The following PCDHGA5 variants were observed in gnomAD, a reference collection of about 807,000 sequenced individuals.
PCDHGA5 encodes the protein protocadherin gamma subfamily A, 5.
PCDHGA5 carries 36 observed loss-of-function variants against 56.7 expected under a neutral mutation model. The ratio of observed to expected loss-of-function variants is 0.64; its 90% confidence interval spans 0.49 to 0.84. The LOEUF is 0.84. Ranked by LOEUF, PCDHGA5 falls within the 40% of genes least tolerant of loss-of-function variation. PCDHGA5 has a pLI of 0.00. For missense variants in PCDHGA5, 1,305 were observed against 1,201.5 expected (o/e 1.09, Z -1.27); for synonymous variants, 563 against 520.2 (o/e 1.08, Z -1.12).
intron 1 of PCDHGA5, chr5:141,415,585 C>T: frequency 6.2e-7 from 1 of 1,613,900 alleles, no homozygotes; most frequent in Non-Finnish European, 8.5e-7. Context: ...TTCGAAGTTT[C>T]CTATAGAGGA....
intron 2 of PCDHGA5, among the ~76,000 whole-genome samples, chr5:141,499,214 C>T (rs1228581603): frequency 6.6e-6 from 1 of 152,074 alleles, no homozygotes; most frequent in Non-Finnish European, 1.5e-5. Flanking sequence ...TAACCCAGGC[C>T]CTGCCCTGCA....
At chr5:141,466,213 C>G (rs2099118871) in intron 1 of PCDHGA5, among the ~76,000 whole-genome samples, 1 of 151,958 alleles carries the variant, frequency 6.6e-6, no homozygotes, top group South Asian at 2.1e-4. Flanking sequence ...CTCTGTTACC[C>G]AGGCTGGAGT....
chr5:141,401,819 G>A (rs2094196222), intron 1 of PCDHGA5, among the ~76,000 whole-genome samples: 3 of 152,280 alleles, frequency 2.0e-5, no homozygotes, highest in Middle Eastern at 3.4e-3. Flanking sequence ...TCCTTACAAA[G>A]TGCTGAGATT....
rs368785983 is a variant in PCDHGA5 at position 141,393,012 on chromosome 5, G to A, written c.2421+26261G>A. The A allele has an allele frequency of 1.4e-5, 23 of 1,613,724 alleles. No homozygotes were observed. Among genetic ancestry groups the A allele is most frequent in the Non-Finnish European group, 1.9e-5 (23 of 1,179,884 alleles). ...GCTGGCGAAGCACGGAGTCCGTATC[G>A]TCTCCAGAGGTAGGACGCAGCTCTT... On this transcript the variant is annotated intron_variant, in intron 1 of 3. Transcript: ENST00000518069.
rs755270981 is a variant in PCDHGA5, at chr5:141,408,462, AGAACC to A, written c.2421+41715_2421+41719del. On this transcript the variant is annotated intron_variant, in intron 1 of 3. Coordinates refer to ENST00000518069, the MANE Select transcript of PCDHGA5 (RefSeq NM_018918.3). Reference sequence around the variant, plus strand: ...GCGGAGAGCGGGGACTTACTTGTGAAGAACCGAATAGACCGTGAGCAAATATGCAA... The same window carrying A: ...GCGGAGAGCGGGGACTTACTTGTGAAGAATAGACCGTGAGCAAATATGCAA... 2.2e-5 allele frequency: 35 copies of A among 1,613,962 alleles called. No homozygotes were observed. The South Asian group carries it at 3.3e-4, about 15-fold the overall frequency.
At chr5:141,384,536 T>C (rs751421323) in intron 1 of PCDHGA5, 1 of 1,614,204 alleles carries the variant, frequency 6.2e-7, no homozygotes, top group Non-Finnish European at 8.5e-7. Flanking sequence ...AGCAGCAACA[T>C]GTCACTGAGC....
At chr5:141,452,354 G>C (rs2154563893) in intron 1 of PCDHGA5, among the ~76,000 whole-genome samples, 1 of 152,240 alleles carries the variant, frequency 6.6e-6, no homozygotes, top group Non-Finnish European at 1.5e-5. Flanking sequence ...TTATCCAAAA[G>C]CCTTGCTTCA....
rs1187424114 is a variant in PCDHGA5, at chr5:141,485,341, G to A, written c.2422-9466G>A. On this transcript the variant is annotated intron_variant, in intron 1 of 3. Transcript: ENST00000518069. The surrounding 1 kb of genome is among the most constrained non-coding windows in gnomAD (Gnocchi z 5.7). ...TCGCTCAAGATTTCCTGCTGGATAC[G>A]GACAGTCTGTCAGCTCGCAGGCTGC... 2 of 1,614,118 alleles carry A rather than the reference G, an allele frequency of 1.2e-6. No individual in the cohort carries two copies. The highest frequency in any genetic ancestry group is 1.7e-5 in the Admixed American group (1 of 60,018).
chr5:141,511,117 G>A lies in PCDHGA5; in HGVS notation c.2740G>A (p.Ala914Thr). Residue 914 changes from alanine to threonine, a missense_variant, in exon 4 of 4, where the codon GCC becomes ACC. Physicochemically the swap from Ala to Thr is moderately conservative, Grantham distance 58. Coordinates refer to ENST00000518069, the MANE Select transcript of PCDHGA5 (RefSeq NM_018918.3). ...TNAAGKRDGK[A>T]PAGGNGNKKK... ...CGCAGCTGGCAAGCGGGATGGCAAG[G>A]CCCCAGCAGGTGGCAATGGCAACAA... 6.2e-7 allele frequency: 1 copy of A among 1,614,216 alleles called. No homozygotes were observed. Among genetic ancestry groups the A allele is most frequent in the Non-Finnish European group, 8.5e-7 (1 of 1,180,026 alleles).
chr5:141,394,211 G>A, intron 1 of PCDHGA5: 1 of 1,613,888 alleles, frequency 6.2e-7, no homozygotes, highest in Non-Finnish European at 8.5e-7. Flanking sequence ...AGAACAACCT[G>A]AGAGGAGCCT....
chr5:141,431,767 T>C lies in PCDHGA5; in HGVS notation c.2422-63040T>C. The C allele has an allele frequency of 1.2e-6, 2 of 1,614,224 alleles. No homozygotes were observed. Among genetic ancestry groups the C allele is most frequent in the Non-Finnish European group, 1.7e-6 (2 of 1,180,034 alleles). ...CTGCGCGAGCCAAAGTCCTGATCAC[T>C]GTTCTGGACGTGAACGACAATGCCC... On this transcript the variant is annotated intron_variant, in intron 1 of 3. Coordinates refer to ENST00000518069, the MANE Select transcript of PCDHGA5 (RefSeq NM_018918.3). This position sits in a 1 kb window ranked among gnomAD's most constrained non-coding sequence, Gnocchi z 4.8.
At chr5:141,398,740 C>G in intron 1 of PCDHGA5, 2 of 1,613,864 alleles carry the variant, frequency 1.2e-6, no homozygotes, top group Non-Finnish European at 1.7e-6. Context: ...CCGGGAACAA[C>G]AGAGTTACCA....
At position 141,364,177 on chromosome 5, in the gene PCDHGA5, C is replaced by T. The variant is rs1432921471; in HGVS notation, c.-154C>T. The T allele has an allele frequency of 3.5e-6, 3 of 848,492 alleles. No homozygotes were observed. Among genetic ancestry groups the T allele is most frequent in the East Asian group, 3.0e-5 (1 of 33,322 alleles). 52.6% of individuals were successfully genotyped at this position (848,492 alleles called of 1,614,324 possible). On this transcript the variant is annotated 5_prime_UTR_variant, in exon 1 of 4. Coordinates refer to ENST00000518069, the MANE Select transcript of PCDHGA5 (RefSeq NM_018918.3). ...CCGCAGAGGCGACCCGACTCTGCTC[C>T]CTCCATACTAAACACACAGACCAGA...
At chr5:141,474,557 G>T (rs1261720500) in intron 1 of PCDHGA5, among the ~76,000 whole-genome samples, 2 of 152,184 alleles carry the variant, frequency 1.3e-5, no homozygotes, top group Admixed American at 1.3e-4. Context: ...AAAACTGGGG[G>T]TTTTCAGAGA....
chr5:141,375,403 A>G, intron 1 of PCDHGA5: 2 of 1,613,908 alleles, frequency 1.2e-6, no homozygotes, highest in Non-Finnish European at 1.7e-6. Flanking sequence ...TCATCTCTCT[A>G]AATGTGGCAG....
At chr5:141,420,413 A>T in intron 1 of PCDHGA5, 1 of 1,222,396 alleles carries the variant, frequency 8.2e-7, no homozygotes, top group Non-Finnish European at 1.1e-6. Context: ...GGTTATCATT[A>T]TTAAAACAAA....
Position 141,486,544 on chromosome 5 carries a change from G to C in PCDHGA5, c.2422-8263G>C, listed in dbSNP as rs1376583724. Reference sequence around the variant, plus strand: ...ATGATAATCCACCCTCTTTCTTTCAGAGGTCACATGAGGTGTTTGTTCCTG... The same window carrying C: ...ATGATAATCCACCCTCTTTCTTTCACAGGTCACATGAGGTGTTTGTTCCTG... On this transcript the variant is annotated intron_variant, in intron 1 of 3. Coordinates refer to ENST00000518069, the MANE Select transcript of PCDHGA5 (RefSeq NM_018918.3). The surrounding 1 kb of genome is among the most constrained non-coding windows in gnomAD (Gnocchi z 5.0). The C allele has an allele frequency of 6.2e-7, 1 of 1,613,964 alleles. No homozygotes were observed. The highest frequency in any genetic ancestry group is 1.3e-5 in the African/African-American group (1 of 74,932).
chr5:141,372,194 C>A, intron 1 of PCDHGA5: 1 of 1,613,570 alleles, frequency 6.2e-7, no homozygotes, highest in Non-Finnish European at 8.5e-7. Flanking sequence ...ACTCGGGATA[C>A]AACGCCTGGC....
Position 141,487,623 on chromosome 5 carries a change from CT to C in PCDHGA5, c.2422-7181del. 1 of 1,614,206 alleles carries C rather than the reference CT, an allele frequency of 6.2e-7. No homozygotes were observed. Among genetic ancestry groups the C allele is most frequent in the Non-Finnish European group, 8.5e-7 (1 of 1,180,044 alleles). On this transcript the variant is annotated intron_variant, in intron 1 of 3. Transcript: ENST00000518069. This position sits in a 1 kb window ranked among gnomAD's most constrained non-coding sequence, Gnocchi z 5.0. ...CTTCTCTATGGGCTAGAGGTGAGAC[CT>C]TTGCAGGCTCAACAAATGCTTGAGG...
Sources: allele counts gnomAD v4.1 joint callset (sites outside exome capture counted in the v4.1 genomes callset), GRCh38; gene constraint gnomAD v4.1.1; non-coding constraint Gnocchi (gnomAD v3.1); transcripts MANE v1.5; gene names NCBI Gene and HGNC (gene_info 2026-07-23, HGNC 2026-07-21).